Variants in PEBP4 observed in about 807,000 individuals in gnomAD.
PEBP4 encodes phosphatidylethanolamine-binding protein 4.
In PEBP4, 22 loss-of-function variants were observed where a neutral mutation model predicts 23.9. The observed-to-expected ratio is 0.92, with a 90% CI of 0.66 to 1.31. PEBP4 has a LOEUF of 1.31. PEBP4 is among the 40% of genes most tolerant of loss of function. The pLI is 0.00. For missense variants in PEBP4, 324 were observed against 281.7 expected, an observed-to-expected ratio of 1.15 and a Z score of -1.07; for synonymous variants, 112 against 99.3, an observed-to-expected ratio of 1.13 and a Z score of -0.76.
chr8:22,926,339 T>TTTG (rs762590447), intron 2 of PEBP4, among the ~76,000 whole-genome samples: 72 of 151,888 alleles, frequency 4.7e-4, no homozygotes, highest in Middle Eastern at 3.4e-3. Flanking sequence ...TTTGTTACTT[T>TTTG]TTGTTGTTGT....
chr8:22,900,486 TAAAAATACAA>T (rs1808690300), intron 3 of PEBP4, among the ~76,000 whole-genome samples: 2 of 151,770 alleles, frequency 1.3e-5, no homozygotes. Context: ...CTGTCTCTAC[TAAAAATACAA>T]AAATTAGGCA....
chr8:22,877,138 G>T (rs1563246029), intron 3 of PEBP4, among the ~76,000 whole-genome samples: 1 of 152,120 alleles, frequency 6.6e-6, no homozygotes. Context: ...CTCAAACCAG[G>T]CTGTGCTGAA....
At chr8:22,890,661 C>A (rs1046010881) in intron 3 of PEBP4, among the ~76,000 whole-genome samples, 1 of 152,208 alleles carries the variant, frequency 6.6e-6, no homozygotes, top group African/African-American at 2.4e-5. Flanking sequence ...GGCCGCCTGG[C>A]AGGTGGCAGG....
chr8:22,940,264 A>G (rs1298305678), intron 1 of PEBP4, among the ~76,000 whole-genome samples: 7 of 152,226 alleles, frequency 4.6e-5, no homozygotes, highest in Non-Finnish European at 8.8e-5. Flanking sequence ...TACATCTGTC[A>G]GAAGTAAGGC....
intron 4 of PEBP4, among the ~76,000 whole-genome samples, chr8:22,806,919 A>C (rs937392730): frequency 6.6e-6 from 1 of 152,202 alleles, no homozygotes; most frequent in African/African-American, 2.4e-5. Flanking sequence ...AAGAAATCTG[A>C]GTGGTCAGGC....
At chr8:22,882,617 T>TC (rs1563248224) in intron 3 of PEBP4, among the ~76,000 whole-genome samples, 3 of 152,210 alleles carry the variant, frequency 2.0e-5, no homozygotes, top group African/African-American at 7.2e-5. Flanking sequence ...ATTAATCGTG[T>TC]CTTTTTATTC....
intron 6 of PEBP4, among the ~76,000 whole-genome samples, chr8:22,718,379 G>T (rs1804454917): frequency 6.6e-6 from 1 of 152,258 alleles, no homozygotes; most frequent in South Asian, 2.1e-4. Flanking sequence ...TTTGGTAGTG[G>T]CAACAATTGG....
At chr8:22,869,825 T>C (rs1807973391) in intron 3 of PEBP4, among the ~76,000 whole-genome samples, 2 of 152,210 alleles carry the variant, frequency 1.3e-5, no homozygotes, top group Admixed American at 6.5e-5. Flanking sequence ...GATATGTCAC[T>C]AGTGAATTGC....
At chr8:22,742,882 G>A (rs182261611) in intron 4 of PEBP4, among the ~76,000 whole-genome samples, 11 of 152,290 alleles carry the variant, frequency 7.2e-5, no homozygotes, top group African/African-American at 2.4e-4. Flanking sequence ...TGTATGGGGC[G>A]GCTTGCAGTC....
intron 3 of PEBP4, among the ~76,000 whole-genome samples, chr8:22,845,845 C>G (rs1262900705): frequency 6.6e-6 from 1 of 152,246 alleles, no homozygotes; most frequent in Non-Finnish European, 1.5e-5. Context: ...ACAAGCTGCT[C>G]AGCTCCTCTC....
chr8:22,735,173 C>T (rs1036568696), intron 4 of PEBP4, among the ~76,000 whole-genome samples: 4 of 152,166 alleles, frequency 2.6e-5, no homozygotes, highest in Admixed American at 1.3e-4. Flanking sequence ...GTATAAGGAG[C>T]CTCTGATCTG....
upstream of PEBP4, among the ~76,000 whole-genome samples, chr8:22,929,666 C>T (rs968124339): frequency 3.3e-5 from 5 of 152,168 alleles, no homozygotes; most frequent in Non-Finnish European, 7.3e-5. Flanking sequence ...AATTTGAACC[C>T]CAGGCTCTGG....
At chr8:22,824,532 A>G (rs1333865326) in intron 3 of PEBP4, among the ~76,000 whole-genome samples, 1 of 152,202 alleles carries the variant, frequency 6.6e-6, no homozygotes, top group Non-Finnish European at 1.5e-5. Context: ...ATTCAAGCAC[A>G]TTACATTTAT....
chr8:22,856,115 G>A, intron 3 of PEBP4, among the ~76,000 whole-genome samples: 1 of 147,402 alleles, frequency 6.8e-6, no homozygotes, highest in East Asian at 2.0e-4. Flanking sequence ...GAAGATATTT[G>A]TAACATATAT....
chr8:22,786,278 T>G (rs555243901), intron 4 of PEBP4, among the ~76,000 whole-genome samples: 6 of 152,078 alleles, frequency 3.9e-5, no homozygotes, highest in African/African-American at 1.4e-4. Flanking sequence ...GTTTTTTTGT[T>G]TGTTTGTTTG....
intron 3 of PEBP4, among the ~76,000 whole-genome samples, chr8:22,857,143 G>A (rs188509180): frequency 2.0e-5 from 3 of 152,146 alleles, no homozygotes; most frequent in Non-Finnish European, 2.9e-5. Flanking sequence ...CTTTTAGTGT[G>A]GGAGTAGGGA....
chr8:22,860,244 C>T (rs1807748512), intron 3 of PEBP4, among the ~76,000 whole-genome samples: 1 of 95,420 alleles, frequency 1.0e-5, no homozygotes, highest in South Asian at 3.8e-4. Context: ...CCAGAATACA[C>T]ATATCATGCA....
At chr8:22,905,214 A>C (rs1015570723) in intron 3 of PEBP4, among the ~76,000 whole-genome samples, 4 of 152,160 alleles carry the variant, frequency 2.6e-5, no homozygotes, top group African/African-American at 9.7e-5. Flanking sequence ...TTGTAAATGG[A>C]ATGGAACTTC....
chr8:22,721,687 G>C (rs977203897), intron 6 of PEBP4, among the ~76,000 whole-genome samples: 1 of 152,040 alleles, frequency 6.6e-6, no homozygotes, highest in Non-Finnish European at 1.5e-5. Context: ...CAAGCAGCTG[G>C]TTATACCACA....
Sources: gnomAD v4.1 joint callset for allele counts (sites outside exome capture counted in the v4.1 genomes callset) on GRCh38, gnomAD v4.1.1 for gene constraint, MANE v1.5 for transcripts, NCBI Gene and HGNC (gene_info 2026-07-23, HGNC 2026-07-21) for gene names.